The following EMX1 variants were observed in gnomAD, a reference collection of about 807,000 sequenced individuals.
EMX1 encodes the protein empty spiracles homeobox 1.
A neutral mutation model predicts 20.1 loss-of-function variants in EMX1; 10 were observed. The observed-to-expected ratio is 0.50, with a 90% CI of 0.31 to 0.84. EMX1 has a LOEUF of 0.84. Ranked by LOEUF, EMX1 falls within the 40% of genes least tolerant of loss-of-function variation. The pLI, the probability that EMX1 is intolerant of heterozygous loss-of-function variation, is 0.05. For synonymous variants in EMX1, 250 were observed against 200.4 expected (o/e 1.25, Z -2.09); for missense variants, 424 against 431.9 (o/e 0.98, Z 0.16).
At chr2:72,920,561 C>T (rs1010538459) in intron 1 of EMX1, among the ~76,000 whole-genome samples, 1 of 152,218 alleles carries the variant, frequency 6.6e-6, no homozygotes, top group African/African-American at 2.4e-5. Context: ...GGCCCTCCGG[C>T]GCCGCGTTTT....
At position 72,934,190 on chromosome 2, in the gene EMX1, C is replaced by T. The variant is rs920005153; in HGVS notation, c.*236C>T. The T allele has an allele frequency of 1.9e-5, 10 of 529,554 alleles. No individual in the cohort carries two copies. Among genetic ancestry groups the T allele is most frequent in the South Asian group, 8.5e-5 (3 of 35,240 alleles). The allele number at this position is 529,554 out of a possible 1,614,324, so 32.8% of individuals were successfully genotyped here. A position where few individuals can be genotyped will look rare whatever the true frequency, so the allele number is the denominator to read the frequency against. On this transcript the variant is annotated 3_prime_UTR_variant, in exon 3 of 3. Transcript: ENST00000258106. ...GAGAGCCTGCCTGCCTGGGCGGGCC[C>T]GCCCGCCACCGCAGCCTCCCAGCTG...
Position 72,924,051 on chromosome 2 carries a change from A to AT in EMX1, c.521-257dup. ...CCCCATCTCTTGGCTTAACAGAGGG[A>AT]TCTGGAGAGCTGTTATTCCCCGCGT... On this transcript the variant is annotated intron_variant, in intron 1 of 2. Transcript: ENST00000258106. 8.5e-6 allele frequency: 5 copies of AT among 591,360 alleles called. 1 individual carries two copies. In the Middle Eastern group the frequency reaches 1.7e-3, roughly 200 times the overall value. 36.6% of individuals were successfully genotyped at this position (591,360 alleles called of 1,614,324 possible).
rs1288117329 is a variant in EMX1, at chr2:72,930,907, G to A, written c.706-2880G>A. 1.3e-5 allele frequency among the ~76,000 whole-genome samples: 2 copies of A among 152,152 alleles called. No homozygotes were observed. Among genetic ancestry groups the A allele is most frequent in the Non-Finnish European group, 2.9e-5 (2 of 68,018 alleles). ...CACACTTTAGGTATATTTCCTTCTA[G>A]TCTTTTTTCCCCGTGTGTAGATTTT... On this transcript the variant is annotated intron_variant, in intron 2 of 2. Transcript: ENST00000258106. This position sits in a 1 kb window ranked among gnomAD's most constrained non-coding sequence, Gnocchi z 4.4.
chr2:72,916,606 C>A, upstream of EMX1: 1 of 663,242 alleles, frequency 1.5e-6, no homozygotes. Context: ...CGCGGTTCCG[C>A]GGTCGCGGGT....
In EMX1 at chr2:72,924,295, CG is replaced by C; in HGVS notation, c.521-12del. ...CTGTACCTGCGTGTGTTGCCGTCGG[CG>C]GCGGGGCCGCAGCCAGCGACGTGCC... is the stretch of plus-strand genomic sequence containing the variant. On this transcript the variant is annotated splice_polypyrimidine_tract_variant and intron_variant, in intron 1 of 2. Coordinates refer to ENST00000258106, the MANE Select transcript of EMX1 (RefSeq NM_004097.3). 1 of 1,555,142 alleles carries C rather than the reference CG, an allele frequency of 6.4e-7. No individual in the cohort carries two copies.
At chr2:72,928,381 C>T (rs1671236750) in intron 2 of EMX1, among the ~76,000 whole-genome samples, 1 of 152,208 alleles carries the variant, frequency 6.6e-6, no homozygotes, top group African/African-American at 2.4e-5. Flanking sequence ...TGTGGGGCAC[C>T]AACGGGCTTT....
At chr2:72,922,509 C>T (rs1278929341) in intron 1 of EMX1, among the ~76,000 whole-genome samples, 3 of 152,232 alleles carry the variant, frequency 2.0e-5, no homozygotes, top group Non-Finnish European at 2.9e-5. Context: ...CCTCACCCAT[C>T]TCCCTGTGAT....
At chr2:72,921,108 G>T (rs1042332447) in intron 1 of EMX1, among the ~76,000 whole-genome samples, 7 of 152,210 alleles carry the variant, frequency 4.6e-5, no homozygotes, top group Non-Finnish European at 8.8e-5. Flanking sequence ...CTCGAAGACT[G>T]CAGCTCGGAC....
In EMX1 at chr2:72,917,809, G is replaced by T; in HGVS notation, c.-44G>T. The T allele has an allele frequency of 7.9e-7, 1 of 1,273,086 alleles. No individual in the cohort carries two copies. The highest frequency in any genetic ancestry group is 9.9e-7 in the Non-Finnish European group (1 of 1,012,688). 78.9% of individuals were successfully genotyped at this position (1,273,086 alleles called of 1,614,324 possible). Reference sequence around the variant, plus strand: ...CCTGGCTCGCCCGCGGGGGCCGAGCGCGAGCGGGCGGGCGGGGGAGGTGAG... The same window carrying T: ...CCTGGCTCGCCCGCGGGGGCCGAGCTCGAGCGGGCGGGCGGGGGAGGTGAG... On this transcript the variant is annotated 5_prime_UTR_variant, in exon 1 of 3. Transcript: ENST00000258106.
intron 1 of EMX1, among the ~76,000 whole-genome samples, chr2:72,922,325 T>C (rs1211706754): frequency 6.6e-6 from 1 of 152,212 alleles, no homozygotes; most frequent in African/African-American, 2.4e-5. Flanking sequence ...CCAGAGACTT[T>C]AATCTTCCTT....
chr2:72,924,819 G>C (rs13385701), intron 2 of EMX1, among the ~76,000 whole-genome samples: 3,825 of 152,300 alleles, frequency 0.025, 162 homozygotes, highest in African/African-American at 0.087. Flanking sequence ...CCTCGGGAGC[G>C]GGCAGCGCAG....
rs1157190856 is a variant in EMX1, at chr2:72,917,804, C to T, written c.-49C>T. ...CCGCGCCTGGCTCGCCCGCGGGGGC[C>T]GAGCGCGAGCGGGCGGGCGGGGGAG... On this transcript the variant is annotated 5_prime_UTR_variant, in exon 1 of 3. Coordinates refer to ENST00000258106, the MANE Select transcript of EMX1 (RefSeq NM_004097.3). The T allele has an allele frequency of 3.1e-6, 4 of 1,271,254 alleles. No homozygotes were observed. Among genetic ancestry groups the T allele is most frequent in the East Asian group, 3.3e-5 (1 of 30,676 alleles). The allele number at this position is 1,271,254 out of a possible 1,614,324, so 78.7% of individuals were successfully genotyped here.
At chr2:72,926,017 G>A in intron 2 of EMX1, 3 of 985,260 alleles carry the variant, frequency 3.0e-6, no homozygotes, top group Non-Finnish European at 3.6e-6. Flanking sequence ...TCCTGGCAGT[G>A]TTTTAAAATT....
chr2:72,926,315 A>AT, intron 2 of EMX1: 1 of 981,962 alleles, frequency 1.0e-6, no homozygotes, highest in Non-Finnish European at 1.2e-6. Flanking sequence ...TGTTTCTTTC[A>AT]TTTTTATTAT....
chr2:72,930,709 C>T lies in EMX1; in HGVS notation c.706-3078C>T, dbSNP rs1394758447. On this transcript the variant is annotated intron_variant, in intron 2 of 2. Coordinates refer to ENST00000258106, the MANE Select transcript of EMX1 (RefSeq NM_004097.3). The surrounding 1 kb of genome is among the most constrained non-coding windows in gnomAD (Gnocchi z 4.4). ...GCCTGTTTTCTCTAGGGAAGGGGCTCTGAAGGATCCAGAGTTGCCTGGCTG... is the reference window on the plus strand; with the variant it reads ...GCCTGTTTTCTCTAGGGAAGGGGCTTTGAAGGATCCAGAGTTGCCTGGCTG... 1.3e-5 allele frequency among the ~76,000 whole-genome samples: 2 copies of T among 152,166 alleles called. No individual in the cohort carries two copies. The highest frequency in any genetic ancestry group is 2.9e-5 in the Non-Finnish European group (2 of 68,030).
At chr2:72,932,861 C>T (rs868481796) in intron 2 of EMX1, 3 of 152,376 alleles carry the variant, frequency 2.0e-5, no homozygotes, top group Non-Finnish European at 4.4e-5. Context: ...CTTCTCCTGA[C>T]TGTTCCTTGT....
At chr2:72,921,276 C>T (rs1014396455) in intron 1 of EMX1, among the ~76,000 whole-genome samples, 1 of 152,162 alleles carries the variant, frequency 6.6e-6, no homozygotes, top group Non-Finnish European at 1.5e-5. Context: ...TATTCATTTC[C>T]CTAGCTCCAG....
chr2:72,925,114 G>A (rs1671173558), intron 2 of EMX1, among the ~76,000 whole-genome samples: 1 of 152,216 alleles, frequency 6.6e-6, no homozygotes, highest in Non-Finnish European at 1.5e-5. Flanking sequence ...GGCTGATAGG[G>A]CTGTGGAAGC....
At chr2:72,929,321 G>C (rs1188003581) in intron 2 of EMX1, among the ~76,000 whole-genome samples, 1 of 152,186 alleles carries the variant, frequency 6.6e-6, no homozygotes, top group African/African-American at 2.4e-5. Context: ...ATGTCTCCCT[G>C]AGAGAGACAG....
Sources: gnomAD v4.1 joint callset for allele counts (sites outside exome capture counted in the v4.1 genomes callset) on GRCh38, gnomAD v4.1.1 for gene constraint, Gnocchi (gnomAD v3.1) non-coding constraint, MANE v1.5 for transcripts, NCBI Gene and HGNC (gene_info 2026-07-23, HGNC 2026-07-21) for gene names.